The following BPIFA3 variants were observed in gnomAD, a reference collection of about 807,000 sequenced individuals.
The protein encoded by BPIFA3 is BPI fold-containing family A member 3.
Under a neutral mutation model 29.7 loss-of-function variants are expected in BPIFA3, and 32 were observed. That is an observed-to-expected ratio of 1.08 (90% CI 0.81 to 1.45). The LOEUF (loss-of-function observed/expected upper bound fraction) is 1.45, where lower values mean the gene tolerates loss of function less well. Ranked by LOEUF, BPIFA3 falls within the 40% of genes most tolerant of loss-of-function variation. The probability of loss-of-function intolerance (pLI) is 0.00; values close to 1 mark genes in which losing one functional copy is unlikely to be tolerated. For missense variants in BPIFA3, 323 were observed against 311.3 expected (o/e 1.04, Z -0.28); for synonymous variants, 112 against 113.7 (o/e 0.98, Z 0.10).
chr20:33,220,350 A>T (rs895535942), intron 1 of BPIFA3, among the ~76,000 whole-genome samples: 2 of 151,936 alleles, frequency 1.3e-5, no homozygotes, highest in African/African-American at 4.8e-5. Flanking sequence ...GTGAGTGGAG[A>T]TCATGCCACT....
At chr20:33,219,053 A>G (rs1162784303) in intron 1 of BPIFA3, among the ~76,000 whole-genome samples, 2 of 152,058 alleles carry the variant, frequency 1.3e-5, no homozygotes, top group Admixed American at 6.6e-5. Context: ...TTACAGGTGC[A>G]TGCCACCATG....
At chr20:33,221,476 AT>A (rs1259602437) in intron 1 of BPIFA3, among the ~76,000 whole-genome samples, 1 of 152,224 alleles carries the variant, frequency 6.6e-6, no homozygotes, top group African/African-American at 2.4e-5. Flanking sequence ...TTAGCTAATA[AT>A]TTGTTTAGGA....
At chr20:33,220,706 A>G (rs1232639250) in intron 1 of BPIFA3, among the ~76,000 whole-genome samples, 1 of 152,222 alleles carries the variant, frequency 6.6e-6, no homozygotes, top group Non-Finnish European at 1.5e-5. Context: ...TGATATTCAA[A>G]AGCCTTGCTG....
intron 1 of BPIFA3, among the ~76,000 whole-genome samples, chr20:33,218,127 A>T (rs1179560399): frequency 1.3e-5 from 2 of 152,212 alleles, no homozygotes; most frequent in Non-Finnish European, 2.9e-5. Flanking sequence ...GAGCCATAAG[A>T]TTCATCCACC....
chr20:33,225,178 G>A lies in BPIFA3; in HGVS notation c.467G>A (p.Gly156Asp). Residue 156 changes from glycine to aspartate, a missense_variant, in exon 4 of 7, where the codon GGC (glycine) becomes GAC (aspartate). By Grantham distance (94) the Gly-to-Asp change is moderately conservative. Coordinates refer to ENST00000375454, the MANE Select transcript of BPIFA3 (RefSeq NM_178466.5). ...TTCTGGCTGGAGAAAGACGAGTTTG[G>A]CCGGAGGGATCTGGTGATAGGCAAA... is the stretch of plus-strand genomic sequence containing the variant. ...VEFWLEKDEF[G>D]RRDLVIGKCD... 6.2e-7 allele frequency: 1 copy of A among 1,614,134 alleles called. No homozygotes were observed. Among genetic ancestry groups the A allele is most frequent in the Non-Finnish European group, 8.5e-7 (1 of 1,180,032 alleles).
Position 33,226,957 on chromosome 20 carries a change from G to T in BPIFA3, c.649G>T (p.Gly217Trp), listed in dbSNP as rs114904196. 1,425 of 1,614,068 alleles carry T rather than the reference G, an allele frequency of 8.8e-4. 21 individuals are homozygous for T. The East Asian group carries it at 0.028, about 32-fold the overall frequency. The change falls in exon 6 of 7, where the codon GGG becomes TGG. Residue 217 changes from glycine to tryptophan, a missense_variant. Coordinates refer to ENST00000375454, the MANE Select transcript of BPIFA3 (RefSeq NM_178466.5). ...QVCPLIGEIL[G>W]QLDVKLLKSL... ...ATGTCCTCTGATCGGTGAAATCCTC[G>T]GGCAGCTGGATGTGAAACTGTTGAA...
chr20:33,224,721 G>A (rs1985695493), intron 3 of BPIFA3, among the ~76,000 whole-genome samples: 1 of 152,178 alleles, frequency 6.6e-6, no homozygotes, highest in Non-Finnish European at 1.5e-5. Context: ...CTTGATTAAA[G>A]AGAGAAAGGG....
chr20:33,224,802 G>A (rs540822894), intron 3 of BPIFA3, among the ~76,000 whole-genome samples: 2 of 152,288 alleles, frequency 1.3e-5, no homozygotes, highest in Non-Finnish European at 2.9e-5. Flanking sequence ...GACATCCACT[G>A]CCCCCAAGAA....
chr20:33,217,718 G>A, intron 1 of BPIFA3, 55 bp downstream of exon 1: 1 of 1,566,030 alleles, frequency 6.4e-7, no homozygotes, highest in Non-Finnish European at 8.6e-7. Context: ...AGGTGGGAAG[G>A]TGCCATCTGG....
Position 33,222,762 on chromosome 20 carries a change from C to T in BPIFA3, c.128-1049C>T, listed in dbSNP as rs190202740. On this transcript the variant is annotated intron_variant, in intron 1 of 6. Coordinates refer to ENST00000375454, the MANE Select transcript of BPIFA3 (RefSeq NM_178466.5). The stretch of plus-strand genomic sequence containing the variant: ...ACTGGTGTCTGCTGCTCACAAATTC[C>T]CAAGCACCACTATAATCATGAACCA... Among the ~76,000 whole-genome samples, 6 of 152,218 alleles carry T rather than the reference C, an allele frequency of 3.9e-5. No homozygotes were observed. In the East Asian group the frequency reaches 1.2e-3, roughly 29 times the overall value.
chr20:33,221,220 G>A (rs957079320), intron 1 of BPIFA3, among the ~76,000 whole-genome samples: 1 of 149,728 alleles, frequency 6.7e-6, no homozygotes, highest in Non-Finnish European at 1.5e-5. Flanking sequence ...CGGGATCTCA[G>A]CTCATTGAAA....
rs1985306219 is a variant in BPIFA3, at chr20:33,217,485, C to T, written c.-52C>T. ...CCCTCCAGACTGCCACCCTCAAAGC[C>T]GTCTGCCCAGGCCCCATCTGACACT... On this transcript the variant is annotated 5_prime_UTR_variant, in exon 1 of 7. Transcript: ENST00000375454. 16 of 1,595,024 alleles carry T rather than the reference C, an allele frequency of 1.0e-5. No homozygotes were observed. The highest frequency in any genetic ancestry group is 2.3e-5 in the South Asian group (2 of 88,056).
chr20:33,218,814 A>G (rs1453610970), intron 1 of BPIFA3, among the ~76,000 whole-genome samples: 1 of 150,470 alleles, frequency 6.6e-6, no homozygotes, highest in Non-Finnish European at 1.5e-5. Flanking sequence ...TTTTTTTGCC[A>G]GTTTGATGTG....
At chr20:33,225,044 C>T (rs568158557) in intron 3 of BPIFA3, 54 bp from the exon 4 acceptor site, 1 of 1,554,764 alleles carries the variant, frequency 6.4e-7, no homozygotes, top group Non-Finnish European at 8.9e-7. Context: ...GAGATTTCTA[C>T]TCTTTCTCTA....
intron 3 of BPIFA3, 39 bp from the exon 4 acceptor site, chr20:33,225,059 C>T: frequency 1.3e-6 from 2 of 1,588,874 alleles, no homozygotes; most frequent in Non-Finnish European, 1.7e-6. Context: ...TCTCTACCTC[C>T]TCCCCTTGCC....
rs1473580841 is a variant in BPIFA3, at chr20:33,224,419, T to C, written c.343T>C (p.Phe115Leu). 2 of 1,614,030 alleles carry C rather than the reference T, an allele frequency of 1.2e-6. No homozygotes were observed. The highest frequency in any genetic ancestry group is 1.7e-6 in the Non-Finnish European group (2 of 1,179,994). ...CCAGATATCATTCCATAAGGAGTGG[T>C]TCTCGGCAAATATCTCACTTGAATT... is the stretch of plus-strand genomic sequence containing the variant. The part of the protein sequence containing the change: ...GIQISFHKEW[F>L]SANISLEFDL... The change falls in exon 3 of 7, where the codon TTC (phenylalanine) becomes CTC (leucine). Residue 115 changes from phenylalanine (F) to leucine (L), a missense_variant. By Grantham distance (22) the Phe-to-Leu change is conservative. Transcript: ENST00000375454.
At chr20:33,226,346 C>T (rs878927232) in intron 4 of BPIFA3, 60 bp from the exon 5 acceptor site, 7 of 1,253,856 alleles carry the variant, frequency 5.6e-6, no homozygotes, top group Admixed American at 5.5e-5. Context: ...CACATACCTC[C>T]TGGCTTTAAT....
Position 33,227,643 on chromosome 20 carries a change from A to T in BPIFA3, c.*26A>T, listed in dbSNP as rs775641284. The T allele has an allele frequency of 1.9e-6, 3 of 1,591,722 alleles. No homozygotes were observed. The highest frequency in any genetic ancestry group is 2.6e-6 in the Non-Finnish European group (3 of 1,159,978). ...CTTCTGCTGATCAGAAGGAAAGTCC[A>T]CATCTTGCAACCTTAAGTCTCCCTT... On this transcript the variant is annotated 3_prime_UTR_variant, in exon 7 of 7. Transcript: ENST00000375454.
At chr20:33,224,504 C>A in intron 3 of BPIFA3, 42 bp downstream of exon 3, 1 of 1,479,948 alleles carries the variant, frequency 6.8e-7, no homozygotes, top group Non-Finnish European at 9.4e-7. Flanking sequence ...GCTGGCCCTC[C>A]TCGCAGGGAA....
Sources: gnomAD v4.1 joint callset for allele counts (sites outside exome capture counted in the v4.1 genomes callset) on GRCh38, gnomAD v4.1.1 for gene constraint, MANE v1.5 for transcripts, NCBI Gene and HGNC (gene_info 2026-07-23, HGNC 2026-07-21) for gene names.